ADD3: variants seen among roughly 807,000 people sequenced by gnomAD.
The protein encoded by ADD3 is gamma-adducin.
ADD3 carries 25 observed loss-of-function variants against 80.2 expected under a neutral mutation model. The ratio of observed to expected loss-of-function variants is 0.31; its 90% CI spans 0.23 to 0.44. The LOEUF (loss-of-function observed/expected upper bound fraction) is 0.44, where lower values mean the gene tolerates loss of function less well. ADD3 is among the 20% of genes least tolerant of loss of function. The pLI is 1.00. For synonymous variants in ADD3, 284 were observed against 289.6 expected, an observed-to-expected ratio of 0.98 and a Z score of 0.20; for missense variants, 829 against 847.5, an observed-to-expected ratio of 0.98 and a Z score of 0.27.
At position 110,077,564 on chromosome 10, in the gene ADD3, G is replaced by T. The variant is rs572120214; in HGVS notation, c.-29-23061G>T. On this transcript the variant is annotated intron_variant, in intron 1 of 14. Transcript: ENST00000356080. ...AATTAAAAAAAAGGCAGCTTCTAAA[G>T]AGCCTTTTATTTCTGTCATAATGAT... Among the ~76,000 whole-genome samples the T allele has an allele frequency of 2.5e-4, 38 of 152,250 alleles. 1 individual carries two copies. Among genetic ancestry groups the T allele is most frequent in the African/African-American group, 9.1e-4 (38 of 41,548 alleles).
At chr10:110,115,031 A>G (rs1456974355) in intron 3 of ADD3, among the ~76,000 whole-genome samples, 1 of 148,710 alleles carries the variant, frequency 6.7e-6, no homozygotes, top group African/African-American at 2.5e-5. Context: ...GTGAGCCATG[A>G]TCACACCACT....
At chr10:110,076,617 G>A (rs1032983117) in intron 1 of ADD3, among the ~76,000 whole-genome samples, 1 of 152,162 alleles carries the variant, frequency 6.6e-6, no homozygotes. Context: ...CCAGAAACAG[G>A]CTGAAGTAAT....
chr10:110,046,205 A>G (rs1434739132), intron 1 of ADD3, among the ~76,000 whole-genome samples: 1 of 152,208 alleles, frequency 6.6e-6, no homozygotes, highest in Non-Finnish European at 1.5e-5. Context: ...CAGATGACAT[A>G]AATTTATGGT....
intron 1 of ADD3, among the ~76,000 whole-genome samples, chr10:110,030,895 T>TA (rs1423367875): frequency 6.6e-6 from 1 of 151,646 alleles, no homozygotes; most frequent in East Asian, 1.9e-4. Context: ...TGATGAAGTT[T>TA]AAAAAACGAA....
rs1851185023 is a variant in ADD3 at position 110,119,452 on chromosome 10, G to A, written c.862-14G>A. ...CAGTTATTTCAAGTGATTGCTGTGG[G>A]CATTCTATTTTAGGTGCTGGTACTC... On this transcript the variant is annotated splice_polypyrimidine_tract_variant and intron_variant, in intron 7 of 14. Coordinates refer to ENST00000356080, the MANE Select transcript of ADD3 (RefSeq NM_016824.5). 6.2e-7 allele frequency: 1 copy of A among 1,613,576 alleles called. No homozygotes were observed. The highest frequency in any genetic ancestry group is 8.5e-7 in the Non-Finnish European group (1 of 1,179,736).
In ADD3 at chr10:109,998,672, C is replaced by T. The variant is rs143598636; in HGVS notation, n.79+2226C>T. Among the ~76,000 whole-genome samples, 342 of 152,284 alleles carry T rather than the reference C, an allele frequency of 2.2e-3. 1 individual carries two copies. Among genetic ancestry groups the T allele is most frequent in the Non-Finnish European group, 3.6e-3 (244 of 68,022 alleles). ...TCTCTCCTTCAGTCACAGTGTTTGACCACCATGCCTTTCCCTCAATCTCTC... is the reference window on the plus strand; with the variant it reads ...TCTCTCCTTCAGTCACAGTGTTTGATCACCATGCCTTTCCCTCAATCTCTC... On this transcript the variant is annotated intron_variant and non_coding_transcript_variant, in intron 1 of 5. Transcript: ENST00000468251.
chr10:110,043,250 T>C (rs1036323318), intron 1 of ADD3, among the ~76,000 whole-genome samples: 2 of 152,246 alleles, frequency 1.3e-5, no homozygotes, highest in Non-Finnish European at 2.9e-5. Context: ...TTAACTTGCA[T>C]CCGAATTAAT....
At chr10:110,044,169 T>TCCG (rs750654843) in intron 1 of ADD3, among the ~76,000 whole-genome samples, 1 of 152,238 alleles carries the variant, frequency 6.6e-6, no homozygotes, top group East Asian at 1.9e-4. Context: ...GCCCCTGAAC[T>TCCG]CCGTCCTGGG....
At chr10:110,038,831 T>C (rs1021391155) in intron 1 of ADD3, among the ~76,000 whole-genome samples, 2 of 152,226 alleles carry the variant, frequency 1.3e-5, no homozygotes, top group African/African-American at 2.4e-5. Context: ...TGTTAGTAAC[T>C]ACACACATTA....
chr10:110,034,493 G>A (rs891506332), intron 1 of ADD3, among the ~76,000 whole-genome samples: 2 of 151,536 alleles, frequency 1.3e-5, no homozygotes, highest in Admixed American at 1.3e-4. Flanking sequence ...AAATTCAACT[G>A]TAAGATAAAT....
chr10:110,046,301 TGTAGA>T (rs1454459014), intron 1 of ADD3, among the ~76,000 whole-genome samples: 4 of 152,178 alleles, frequency 2.6e-5, no homozygotes, highest in African/African-American at 9.7e-5. Flanking sequence ...CTTGCTTTAT[TGTAGA>T]GTACAGTAAT....
intron 1 of ADD3, among the ~76,000 whole-genome samples, chr10:110,045,024 A>C (rs1276475128): frequency 1.3e-5 from 2 of 152,220 alleles, no homozygotes; most frequent in Admixed American, 1.3e-4. Context: ...TTGGTTACTT[A>C]GTAGAAAATA....
chr10:110,094,945 A>C (rs1306547655), intron 1 of ADD3, among the ~76,000 whole-genome samples: 1 of 152,228 alleles, frequency 6.6e-6, no homozygotes, highest in Non-Finnish European at 1.5e-5. Context: ...CTCTTTGCTT[A>C]TTCTAAAGAA....
chr10:110,067,913 A>G (rs1844173209), intron 1 of ADD3, among the ~76,000 whole-genome samples: 1 of 151,718 alleles, frequency 6.6e-6, no homozygotes, highest in South Asian at 2.1e-4. Flanking sequence ...TGATTTAGTT[A>G]TTACTTCTCT....
intron 2 of ADD3, among the ~76,000 whole-genome samples, chr10:110,109,080 G>A (rs1849696470): frequency 1.3e-5 from 2 of 152,174 alleles, no homozygotes; most frequent in Non-Finnish European, 2.9e-5. Flanking sequence ...TGTAAAAAGA[G>A]CATTGGACTT....
intron 1 of ADD3, among the ~76,000 whole-genome samples, chr10:110,054,286 C>G (rs1433023943): frequency 6.6e-6 from 1 of 152,064 alleles, no homozygotes; most frequent in East Asian, 1.9e-4. Context: ...AGCCATAAAT[C>G]TGAGTCTCAA....
At chr10:110,004,969 C>T (rs1385804750), upstream of ADD3, among the ~76,000 whole-genome samples, 3 of 152,094 alleles carry the variant, frequency 2.0e-5, no homozygotes, top group Non-Finnish European at 4.4e-5. Flanking sequence ...ATTTTGCTGA[C>T]CTTTGAATTG....
intron 8 of ADD3, among the ~76,000 whole-genome samples, chr10:110,121,407 C>T (rs375761726): frequency 6.6e-5 from 10 of 152,118 alleles, no homozygotes; most frequent in Admixed American, 2.6e-4. Flanking sequence ...CGCTTGAACC[C>T]GGGAGGCGAA....
At position 110,104,991 on chromosome 10, in the gene ADD3, A is replaced by G. The variant is rs562426478; in HGVS notation, c.195+4143A>G. Among the ~76,000 whole-genome samples the G allele has an allele frequency of 2.6e-5, 4 of 152,308 alleles. No homozygotes were observed. In the South Asian group the frequency reaches 8.3e-4, roughly 32 times the overall value. The stretch of plus-strand genomic sequence containing the variant: ...TTTTATATCATCTTATTCATCTTCA[A>G]AGCCTGCTGCTTAAGTTAATTCAAC... On this transcript the variant is annotated intron_variant, in intron 2 of 14. Coordinates refer to ENST00000356080, the MANE Select transcript of ADD3 (RefSeq NM_016824.5).
Sources: allele counts gnomAD v4.1 joint callset (sites outside exome capture counted in the v4.1 genomes callset), GRCh38; gene constraint gnomAD v4.1.1; transcripts MANE v1.5; gene names NCBI Gene and HGNC (gene_info 2026-07-23, HGNC 2026-07-21).